Variants in KALRN observed in about 807,000 individuals in gnomAD.
KALRN encodes the protein kalirin RhoGEF kinase.
In KALRN, 70 loss-of-function variants were observed where a neutral mutation model predicts 353.7. The ratio of observed to expected loss-of-function variants is 0.20; its 90% CI spans 0.16 to 0.24. The LOEUF is 0.24. KALRN is among the 10% of genes least tolerant of loss of function. The pLI is 1.00. For synonymous variants in KALRN, 1,391 were observed against 1,434.8 expected (o/e 0.97, Z 0.69); for missense variants, 2,791 against 3,756.7 (o/e 0.74, Z 6.72).
At chr3:124,218,915 A>G (rs2077603071) in intron 1 of KALRN, among the ~76,000 whole-genome samples, 2 of 152,262 alleles carry the variant, frequency 1.3e-5, no homozygotes, top group African/African-American at 2.4e-5. Flanking sequence ...ACAAATTTCC[A>G]TTCCTCAAAG....
intron 6 of KALRN, among the ~76,000 whole-genome samples, chr3:124,315,894 G>A (rs73858413): frequency 0.085 from 12,968 of 152,132 alleles, 609 homozygotes; most frequent in Middle Eastern, 0.13. Flanking sequence ...ATGAAGTGTC[G>A]ATAATAATCA....
At chr3:124,530,133 AG>A (rs1453957345) in intron 33 of KALRN, among the ~76,000 whole-genome samples, 2 of 152,354 alleles carry the variant, frequency 1.3e-5, no homozygotes, top group Non-Finnish European at 2.9e-5. Flanking sequence ...CCTGGTAGCA[AG>A]TGAAGCTGAT....
intron 1 of KALRN, among the ~76,000 whole-genome samples, chr3:124,038,891 C>G (rs1397893194): frequency 2.6e-5 from 4 of 152,236 alleles, no homozygotes; most frequent in Non-Finnish European, 5.9e-5. Context: ...TCCAACAAAC[C>G]CTGTTGAATT....
At chr3:124,473,368 AT>A (rs1389810118) in intron 25 of KALRN, among the ~76,000 whole-genome samples, 1 of 135,352 alleles carries the variant, frequency 7.4e-6, no homozygotes, top group Non-Finnish European at 1.7e-5. Context: ...CAGTTTTAAA[AT>A]CAAAATTAGA....
chr3:124,365,185 A>G (rs2084516011), intron 10 of KALRN, among the ~76,000 whole-genome samples: 1 of 152,108 alleles, frequency 6.6e-6, no homozygotes, highest in Non-Finnish European at 1.5e-5. Context: ...TTTTGTTTTT[A>G]TTGATGATGA....
chr3:124,662,148 C>T (rs1010911535), intron 45 of KALRN, among the ~76,000 whole-genome samples: 2 of 150,038 alleles, frequency 1.3e-5, no homozygotes, highest in African/African-American at 4.9e-5. Context: ...AGCATTTAGC[C>T]AAACCAAAGT....
chr3:124,516,482 T>G (rs1037128911), intron 33 of KALRN, among the ~76,000 whole-genome samples: 1 of 152,150 alleles, frequency 6.6e-6, no homozygotes, highest in African/African-American at 2.4e-5. Flanking sequence ...TCAATAAATG[T>G]TAGCTATTAA....
chr3:124,216,794 G>A (rs1192842089), intron 1 of KALRN, among the ~76,000 whole-genome samples: 1 of 152,148 alleles, frequency 6.6e-6, no homozygotes, highest in African/African-American at 2.4e-5. Context: ...AGCTTATGCT[G>A]GGCCCTGGTT....
At chr3:124,056,507 G>A (rs1229253719) in intron 1 of KALRN, among the ~76,000 whole-genome samples, 1 of 152,228 alleles carries the variant, frequency 6.6e-6, no homozygotes, top group Non-Finnish European at 1.5e-5. Context: ...TAAAGTGAAA[G>A]TGCTGAAATG....
At chr3:124,491,613 C>T (rs2063167602) in intron 31 of KALRN, 189 bp downstream of exon 31, 1 of 445,544 alleles carries the variant, frequency 2.2e-6, no homozygotes. Context: ...CTCAAAGACG[C>T]ATGGTCTCCT....
chr3:124,248,662 C>T (rs900588283), intron 3 of KALRN, among the ~76,000 whole-genome samples: 2 of 152,230 alleles, frequency 1.3e-5, no homozygotes, highest in African/African-American at 4.8e-5. Context: ...GCCCTGGCCC[C>T]TCTTTCCTTT....
intron 25 of KALRN, among the ~76,000 whole-genome samples, chr3:124,473,528 C>T (rs1245788958): frequency 2.6e-5 from 4 of 152,296 alleles, no homozygotes; most frequent in Middle Eastern, 3.4e-3. Flanking sequence ...GCATGTTCTA[C>T]ATATTCTTCT....
intron 3 of KALRN, among the ~76,000 whole-genome samples, chr3:124,259,167 C>T (rs111706340): frequency 2.1e-4 from 32 of 152,214 alleles, no homozygotes; most frequent in African/African-American, 4.8e-4. Flanking sequence ...ACTGGGGAGG[C>T]GGTGAAAATG....
chr3:124,354,599 T>C (rs560815199), intron 10 of KALRN, among the ~76,000 whole-genome samples: 1 of 152,342 alleles, frequency 6.6e-6, no homozygotes, highest in South Asian at 2.1e-4. Context: ...TTAGATAACC[T>C]TAGGTTTCAA....
At chr3:124,452,673 C>A (rs979164423) in intron 21 of KALRN, among the ~76,000 whole-genome samples, 1 of 152,052 alleles carries the variant, frequency 6.6e-6, no homozygotes, top group African/African-American at 2.4e-5. Flanking sequence ...GTAGGTGGAG[C>A]CGCATGGGGA....
intron 43 of KALRN, 75 bp from the exon 44 acceptor site, chr3:124,660,848 A>T: frequency 2.9e-6 from 3 of 1,019,486 alleles, no homozygotes; most frequent in Non-Finnish European, 3.1e-6. Context: ...TTGTATTTTT[A>T]TGATAAGTTT....
At chr3:124,279,286 T>C (rs184619276) in intron 5 of KALRN, among the ~76,000 whole-genome samples, 177 of 152,370 alleles carry the variant, frequency 1.2e-3, no homozygotes, top group African/African-American at 4.1e-3. Flanking sequence ...TAGATTTTAA[T>C]ACCTGCCTTA....
At chr3:124,286,240 CCTCTCTTT>C (rs1328644090) in intron 5 of KALRN, among the ~76,000 whole-genome samples, 1 of 146,616 alleles carries the variant, frequency 6.8e-6, no homozygotes, top group Non-Finnish European at 1.5e-5. Context: ...TTCTTCTCTT[CCTCTCTTT>C]CTCTCTTGCT....
chr3:124,577,968 G>A (rs2074284858), intron 34 of KALRN, among the ~76,000 whole-genome samples: 1 of 152,194 alleles, frequency 6.6e-6, no homozygotes, highest in African/African-American at 2.4e-5. Flanking sequence ...TCTAATTGAA[G>A]TGTTTCTGGT....
Sources: gnomAD v4.1 joint callset for allele counts (sites outside exome capture counted in the v4.1 genomes callset) on GRCh38, gnomAD v4.1.1 for gene constraint, MANE v1.5 for transcripts, NCBI Gene and HGNC (gene_info 2026-07-23, HGNC 2026-07-21) for gene names.